Variants in TUFT1 observed in about 807,000 individuals in gnomAD.
TUFT1 encodes the protein tuftelin 1, also known as tuftelin.
A neutral mutation model predicts 57.8 loss-of-function variants in TUFT1; 43 were observed. That is an observed-to-expected ratio of 0.74 (90% CI 0.58 to 0.96). TUFT1 has a LOEUF of 0.96. Among genes scored for constraint, TUFT1 ranks in the 40% least tolerant of loss-of-function variants. The probability of loss-of-function intolerance (pLI) is 0.00; values close to 1 mark genes in which losing one functional copy is unlikely to be tolerated. For missense variants in TUFT1, 459 were observed against 489.0 expected, an observed-to-expected ratio of 0.94 and a Z score of 0.58; for synonymous variants, 166 against 176.7, an observed-to-expected ratio of 0.94 and a Z score of 0.48.
intron 6 of TUFT1, among the ~76,000 whole-genome samples, chr1:151,566,687 G>A (rs1666094674): frequency 6.6e-6 from 1 of 151,950 alleles, no homozygotes; most frequent in Non-Finnish European, 1.5e-5. Flanking sequence ...TAAATATCAT[G>A]TATATGTTAT....
intron 7 of TUFT1, among the ~76,000 whole-genome samples, chr1:151,572,395 G>A (rs965406173): frequency 2.0e-5 from 3 of 151,996 alleles, no homozygotes; most frequent in Admixed American, 1.3e-4. Flanking sequence ...TCCGACAGTG[G>A]GGTGCAAGAA....
intron 1 of TUFT1, chr1:151,557,549 C>A: frequency 8.5e-7 from 1 of 1,183,270 alleles, no homozygotes; most frequent in Non-Finnish European, 1.3e-6. Context: ...CGGGAGCTGG[C>A]AGACAAGGAT....
Position 151,581,611 on chromosome 1 carries a change from A to G in TUFT1, c.1110-33A>G, listed in dbSNP as rs1158156513. 5 of 1,611,614 alleles carry G rather than the reference A, an allele frequency of 3.1e-6. No homozygotes were observed. The South Asian group carries it at 3.3e-5, about 11-fold the overall frequency. The stretch of plus-strand genomic sequence containing the variant: ...GGTGGGCCACAACACAGCTGTTCCC[A>G]GCACAACTCAGTGTTTCCAACCTTC... On this transcript the variant is annotated intron_variant, in intron 12 of 12. Transcript: ENST00000368849.
intron 6 of TUFT1, among the ~76,000 whole-genome samples, chr1:151,567,380 C>T (rs921975067): frequency 3.9e-5 from 6 of 151,992 alleles, no homozygotes; most frequent in Non-Finnish European, 8.8e-5. Context: ...ACTATAGACA[C>T]GTGCCACCAC....
intron 1 of TUFT1, chr1:151,561,736 G>A: frequency 7.6e-7 from 1 of 1,311,392 alleles, no homozygotes; most frequent in Non-Finnish European, 1.0e-6. Flanking sequence ...ATTCTGGATT[G>A]AGGATGAGCA....
intron 5 of TUFT1, 100 bp downstream of exon 5, chr1:151,564,714 C>T: frequency 1.0e-6 from 1 of 986,906 alleles, no homozygotes; most frequent in Non-Finnish European, 1.6e-6. Context: ...AATCTAGCAT[C>T]CCTGCCAGGA....
chr1:151,567,977 TA>T (rs770434935), intron 6 of TUFT1, among the ~76,000 whole-genome samples: 4 of 152,250 alleles, frequency 2.6e-5, no homozygotes, highest in East Asian at 3.8e-4. Context: ...ATATCACTTG[TA>T]ATCTACTCAG....
rs762009985 is a variant in TUFT1 at position 151,574,362 on chromosome 1, C to T, written c.687C>T (p.Val229=). 2.3e-5 allele frequency: 37 copies of T among 1,613,984 alleles called. No individual in the cohort carries two copies. The highest frequency in any genetic ancestry group is 3.3e-5 in the Admixed American group (2 of 59,996). ...GAGTGGAGCAGAAAGAGGCAGAAGTCGGAGAGCTGCAGAGGCGCTTGCTAG... is the reference window on the plus strand; with the variant it reads ...GAGTGGAGCAGAAAGAGGCAGAAGTTGGAGAGCTGCAGAGGCGCTTGCTAG... The part of the protein sequence containing the change: ...EDRVEQKEAE[V]GELQRRLLGM... Residue 229 remains valine, a synonymous_variant, in exon 8 of 13, where the codon GTC becomes GTT. Transcript: ENST00000368849.
chr1:151,546,582 A>T (rs543700252), intron 1 of TUFT1, among the ~76,000 whole-genome samples: 1 of 152,104 alleles, frequency 6.6e-6, no homozygotes, highest in South Asian at 2.1e-4. Flanking sequence ...TTCTCTATGG[A>T]TTTACCTATT....
intron 6 of TUFT1, 30 bp from the exon 7 acceptor site, chr1:151,569,627 T>C: frequency 6.3e-7 from 1 of 1,593,632 alleles, no homozygotes; most frequent in Non-Finnish European, 8.6e-7. Context: ...ACTTGAGGGC[T>C]TCCCCTTCCC....
At chr1:151,540,521 C>T in intron 1 of TUFT1, 95 bp downstream of exon 1, 1 of 1,435,192 alleles carries the variant, frequency 7.0e-7, no homozygotes, top group Non-Finnish European at 9.8e-7. Flanking sequence ...CTGACATCAC[C>T]TGGTGCCCGG....
intron 1 of TUFT1, among the ~76,000 whole-genome samples, chr1:151,559,701 T>C (rs1665820784): frequency 6.6e-6 from 1 of 152,168 alleles, no homozygotes; most frequent in Non-Finnish European, 1.5e-5. Context: ...ATTGTGACAG[T>C]GTCTTCTGTC....
At chr1:151,559,430 T>C (rs1354993825) in intron 1 of TUFT1, among the ~76,000 whole-genome samples, 1 of 152,078 alleles carries the variant, frequency 6.6e-6, no homozygotes, top group Non-Finnish European at 1.5e-5. Flanking sequence ...GAACATGAAC[T>C]TGAGGAACTT....
chr1:151,540,419 A>C lies in TUFT1; in HGVS notation c.53A>C (p.Gln18Pro). 6.2e-7 allele frequency: 1 copy of C among 1,614,074 alleles called. No homozygotes were observed. The highest frequency in any genetic ancestry group is 8.5e-7 in the Non-Finnish European group (1 of 1,179,968). Reference protein sequence around the residue: ...CTLVDVHPEDQAAGSVDILRL... With the variant: ...CTLVDVHPEDPAAGSVDILRL... ...CTGGTGGACGTGCACCCAGAGGACC[A>C]GGCGGCGGTAAGAAAAAGCGCTCTC... Residue 18 changes from glutamine to proline, a missense_variant, in exon 1 of 13, where the codon CAG becomes CCG. Gln to Pro is a moderately conservative substitution (Grantham distance 76). Coordinates refer to ENST00000368849, the MANE Select transcript of TUFT1 (RefSeq NM_020127.3).
chr1:151,573,587 A>T (rs1666340255), intron 7 of TUFT1, among the ~76,000 whole-genome samples: 1 of 152,150 alleles, frequency 6.6e-6, no homozygotes, highest in East Asian at 1.9e-4. Context: ...TCTACTAAAA[A>T]TACAAAATTA....
intron 1 of TUFT1, among the ~76,000 whole-genome samples, chr1:151,555,654 A>G (rs1192827707): frequency 2.6e-4 from 40 of 151,274 alleles, no homozygotes; most frequent in African/African-American, 9.5e-4. Flanking sequence ...GTGGGTGCCT[A>G]TAGTCCCAGC....
chr1:151,550,001 C>T (rs372139442), intron 1 of TUFT1, among the ~76,000 whole-genome samples: 2 of 152,170 alleles, frequency 1.3e-5, no homozygotes, highest in Admixed American at 6.5e-5. Flanking sequence ...GGATTACAGG[C>T]GTGAGCCAAC....
rs949004587 is a variant in TUFT1 at position 151,544,395 on chromosome 1, C to A, written c.60+3969C>A. 1.5e-3 allele frequency among the ~76,000 whole-genome samples: 223 copies of A among 152,164 alleles called. 6 individuals carry two copies. Among genetic ancestry groups the A allele is most frequent in the Non-Finnish European group, 4.3e-4 (29 of 68,000 alleles). On this transcript the variant is annotated intron_variant, in intron 1 of 12. Coordinates refer to ENST00000368849, the MANE Select transcript of TUFT1 (RefSeq NM_020127.3). ...CACTGCAACCTCCATCTCCCTGGTT[C>A]AAGCAATTCTCCTGCCTCAGCCTCC...
chr1:151,553,762 A>G (rs1251752135), intron 1 of TUFT1, among the ~76,000 whole-genome samples: 3 of 151,968 alleles, frequency 2.0e-5, no homozygotes, highest in African/African-American at 7.3e-5. Context: ...TTGCTGCGCA[A>G]TCCCAGCATC....
Sources: gnomAD v4.1 joint callset for allele counts (sites outside exome capture counted in the v4.1 genomes callset) on GRCh38, gnomAD v4.1.1 for gene constraint, MANE v1.5 for transcripts, NCBI Gene and HGNC (gene_info 2026-07-23, HGNC 2026-07-21) for gene names.